MGAT4C: variants seen among roughly 807,000 people sequenced by gnomAD.
The protein encoded by MGAT4C is alpha-1,3-mannosyl-glycoprotein 4-beta-N-acetylglucosaminyltransferase C.
Under a neutral mutation model 40.1 loss-of-function variants are expected in MGAT4C, and 19 were observed. The observed-to-expected ratio is 0.47, with a 90% CI of 0.33 to 0.70. The LOEUF is 0.70. Among genes scored for constraint, MGAT4C ranks in the 30% least tolerant of loss-of-function variants. The probability of loss-of-function intolerance (pLI) is 0.02; values close to 1 mark genes in which losing one functional copy is unlikely to be tolerated. For synonymous variants in MGAT4C, 181 were observed against 187.1 expected, an observed-to-expected ratio of 0.97 and a Z score of 0.27; for missense variants, 491 against 563.2, an observed-to-expected ratio of 0.87 and a Z score of 1.30.
chr12:86,131,471 C>T (rs938462249), intron 1 of MGAT4C, among the ~76,000 whole-genome samples: 9 of 152,028 alleles, frequency 5.9e-5, no homozygotes, highest in Non-Finnish European at 1.0e-4. Flanking sequence ...ATAGCTGATA[C>T]ACATGATCTA....
At chr12:86,771,436 A>G (rs1461585154) in intron 1 of MGAT4C, among the ~76,000 whole-genome samples, 2 of 152,124 alleles carry the variant, frequency 1.3e-5, no homozygotes, top group Admixed American at 6.6e-5. Flanking sequence ...ATTTCCTTGG[A>G]AAGATTGATG....
intron 2 of MGAT4C, among the ~76,000 whole-genome samples, chr12:86,662,806 AG>A (rs1340157931): frequency 1.3e-5 from 2 of 152,184 alleles, no homozygotes; most frequent in Non-Finnish European, 2.9e-5. Context: ...TTTGATCACT[AG>A]TAAGGTTTTG....
chr12:86,200,466 A>T (rs889733645), intron 1 of MGAT4C, among the ~76,000 whole-genome samples: 1 of 151,918 alleles, frequency 6.6e-6, no homozygotes, highest in Non-Finnish European at 1.5e-5. Context: ...CTTATACACT[A>T]CCAGTATATT....
chr12:86,013,145 G>A lies in MGAT4C; in HGVS notation c.-6-23593C>T, dbSNP rs538822312. ...GTAAGACCTTGTCTCTTCTTCAACA[G>A]AGAAGTAAGACCTTGTCTCTTCAGA... On this transcript the variant is annotated intron_variant, in intron 2 of 4. Coordinates refer to ENST00000611864, the MANE Select transcript of MGAT4C (RefSeq NM_001351288.2). 2.8e-3 allele frequency among the ~76,000 whole-genome samples: 432 copies of A among 152,280 alleles called. 1 individual carries two copies. The highest frequency in any genetic ancestry group is 4.4e-3 in the Non-Finnish European group (300 of 68,020).
At chr12:86,387,877 A>G (rs1286397432) in intron 3 of MGAT4C, among the ~76,000 whole-genome samples, 1 of 152,146 alleles carries the variant, frequency 6.6e-6, no homozygotes, top group Non-Finnish European at 1.5e-5. Context: ...TCATAATTTG[A>G]TGAATGTGTA....
At chr12:86,127,343 A>G (rs942484415) in intron 1 of MGAT4C, among the ~76,000 whole-genome samples, 4 of 152,156 alleles carry the variant, frequency 2.6e-5, no homozygotes, top group African/African-American at 9.7e-5. Flanking sequence ...TATGATATAA[A>G]AATTAAAAAT....
At chr12:86,328,339 G>C (rs1954575739) in intron 4 of MGAT4C, among the ~76,000 whole-genome samples, 1 of 151,954 alleles carries the variant, frequency 6.6e-6, no homozygotes. Context: ...AGTGAAATAG[G>C]GTAAGAAAGA....
At chr12:86,812,937 G>A (rs1566007740) in intron 1 of MGAT4C, among the ~76,000 whole-genome samples, 1 of 151,964 alleles carries the variant, frequency 6.6e-6, no homozygotes, top group Non-Finnish European at 1.5e-5. Flanking sequence ...GATATCAGAG[G>A]GTATTCATTT....
chr12:86,250,008 AGTGGTGGTGCTCTGTTCACTGCT>A (rs1403551192), intron 1 of MGAT4C, among the ~76,000 whole-genome samples: 1 of 152,136 alleles, frequency 6.6e-6, no homozygotes, highest in Non-Finnish European at 1.5e-5. Flanking sequence ...CCTGGAGAGC[AGTGGTGGTGCTCTGTTCACTGCT>A]GGCATGCCAT....
chr12:86,587,340 G>A (rs1461744972), intron 2 of MGAT4C, among the ~76,000 whole-genome samples: 1 of 152,096 alleles, frequency 6.6e-6, no homozygotes, highest in East Asian at 1.9e-4. Flanking sequence ...GTACCATGCT[G>A]TTTTGGTTAC....
intron 1 of MGAT4C, among the ~76,000 whole-genome samples, chr12:86,823,087 A>G (rs1952734282): frequency 6.6e-6 from 1 of 151,220 alleles, no homozygotes; most frequent in African/African-American, 2.4e-5. Context: ...AAGAAAAACA[A>G]AAACACAACA....
chr12:86,683,946 T>A (rs973192770), intron 2 of MGAT4C, among the ~76,000 whole-genome samples: 3 of 152,186 alleles, frequency 2.0e-5, no homozygotes, highest in Admixed American at 6.5e-5. Context: ...TAGTTGTGAA[T>A]GACCTCATGC....
chr12:86,587,369 T>C (rs1454289870), intron 2 of MGAT4C, among the ~76,000 whole-genome samples: 1 of 152,120 alleles, frequency 6.6e-6, no homozygotes, highest in Non-Finnish European at 1.5e-5. Context: ...TGTAGTATAG[T>C]TTGAAGTCAG....
intron 2 of MGAT4C, among the ~76,000 whole-genome samples, chr12:86,509,127 T>A (rs2136345322): frequency 6.6e-6 from 1 of 152,304 alleles, no homozygotes; most frequent in South Asian, 2.1e-4. Context: ...AGACATGAAG[T>A]CCTTGACCAT....
chr12:86,393,508 T>C (rs186621163), intron 3 of MGAT4C, among the ~76,000 whole-genome samples: 29 of 152,274 alleles, frequency 1.9e-4, no homozygotes, highest in Non-Finnish European at 1.3e-4. Flanking sequence ...CTGATTGAGA[T>C]TAAAGCACTT....
intron 4 of MGAT4C, among the ~76,000 whole-genome samples, chr12:86,275,954 A>C (rs1953069996): frequency 8.1e-6 from 1 of 123,972 alleles, no homozygotes; most frequent in Admixed American, 8.5e-5. Context: ...CAAAAAAAAA[A>C]AAAAAAAAAA....
chr12:86,044,262 G>A (rs913546039), intron 2 of MGAT4C, among the ~76,000 whole-genome samples: 2 of 152,166 alleles, frequency 1.3e-5, no homozygotes, highest in Non-Finnish European at 2.9e-5. Context: ...GGGCTGAGCT[G>A]TTTCCAGACT....
At chr12:86,105,367 T>C (rs1592950880) in intron 1 of MGAT4C, among the ~76,000 whole-genome samples, 1 of 152,220 alleles carries the variant, frequency 6.6e-6, no homozygotes. Context: ...CAAAACCACA[T>C]TAAGTATATC....
chr12:86,367,431 C>T (rs1400293114), intron 3 of MGAT4C, among the ~76,000 whole-genome samples: 1 of 152,152 alleles, frequency 6.6e-6, no homozygotes, highest in Non-Finnish European at 1.5e-5. Context: ...AACTCTCCCT[C>T]CCAGATAAGC....
Sources: gnomAD v4.1 joint callset for allele counts (sites outside exome capture counted in the v4.1 genomes callset) on GRCh38, gnomAD v4.1.1 for gene constraint, MANE v1.5 for transcripts, NCBI Gene and HGNC (gene_info 2026-07-23, HGNC 2026-07-21) for gene names.